The following TBPL2 variants were observed in gnomAD, a reference collection of about 807,000 sequenced individuals.
TBPL2 encodes TATA box-binding protein-like 2.
In TBPL2, 40 loss-of-function variants were observed where a neutral mutation model predicts 38.2. The ratio of observed to expected loss-of-function variants is 1.05; its 90% confidence interval spans 0.81 to 1.36. The LOEUF is 1.36. Among genes scored for constraint, TBPL2 ranks in the 40% most tolerant of loss-of-function variants. TBPL2 has a pLI of 0.00. For missense variants in TBPL2, 461 were observed against 456.7 expected (o/e 1.01, Z -0.09); for synonymous variants, 169 against 171.7 (o/e 0.98, Z 0.12).
rs1424655401 is a variant in TBPL2, at chr14:55,418,118, T to G, written c.1052-3663A>C. ...AGCTTAGGGACATTGGCATGGCTAG[T>G]CCAAGTACACATGGCTTATCATTTC... is the stretch of plus-strand genomic sequence containing the variant. On this transcript the variant is annotated intron_variant, in intron 6 of 6. Coordinates refer to ENST00000247219, the Ensembl canonical transcript of TBPL2. Among the ~76,000 whole-genome samples the G allele has an allele frequency of 2.0e-5, 3 of 152,230 alleles. No individual in the cohort carries two copies. The East Asian group carries it at 5.8e-4, about 29-fold the overall frequency.
Position 55,440,393 on chromosome 14 carries a change from C to G in TBPL2, c.150+3G>C. 3.1e-6 allele frequency: 5 copies of G among 1,613,046 alleles called. No individual in the cohort carries two copies. Among genetic ancestry groups the G allele is most frequent in the South Asian group, 1.1e-5 (1 of 91,084 alleles). ...GACTCTGGGACAGTGGCGGCAGCCT[C>G]ACCTGAGCGGCGCACTGGTCCAGGT... On this transcript the variant is annotated splice_donor_region_variant and intron_variant, in intron 1 of 6. Transcript: ENST00000247219.
chr14:55,440,008 G>A (rs963135893), intron 1 of TBPL2, among the ~76,000 whole-genome samples: 6 of 151,156 alleles, frequency 4.0e-5, no homozygotes, highest in Non-Finnish European at 7.4e-5. Context: ...GCTGAGGCAC[G>A]AGAATCGCTT....
intron 1 of TBPL2, chr14:55,438,826 C>G (rs1015994442): frequency 1.3e-5 from 2 of 148,480 alleles, no homozygotes; most frequent in Admixed American, 6.9e-5. Flanking sequence ...CTGGGCTCTT[C>G]TTTGCTGTGT....
At chr14:55,421,604 C>G (rs1885745992) in intron 6 of TBPL2, among the ~76,000 whole-genome samples, 2 of 152,206 alleles carry the variant, frequency 1.3e-5, no homozygotes, top group Non-Finnish European at 2.9e-5. Context: ...GCTGGGGTCA[C>G]AGGTGCCTGC....
chr14:55,428,968 C>T, exon 5 of TBPL2: 1 of 1,614,026 alleles, frequency 6.2e-7, no homozygotes, highest in Non-Finnish European at 8.5e-7. Flanking sequence ...GTCGAGACTG[C>T]TCTTCACTGG....
Position 55,440,455 on chromosome 14 carries a change from G to GTCCAT in TBPL2, c.90_91insATGGA (p.Arg31MetfsTer44). ...TAGGTCTCCTCCTGCTCCATGGACC[G>GTCCAT]TAATCCCACTGTTGGGGGTGGGGGC... is the stretch of plus-strand genomic sequence containing the variant. On this transcript the variant is annotated frameshift_variant, in exon 1 of 7. The change creates a new upstream start codon in the 5' untranslated region. Transcript: ENST00000247219. LOFTEE classifies it high-confidence loss of function. The GTCCAT allele has an allele frequency of 6.2e-7, 1 of 1,611,482 alleles. No individual in the cohort carries two copies. Among genetic ancestry groups the GTCCAT allele is most frequent in the Non-Finnish European group, 8.5e-7 (1 of 1,178,640 alleles).
intron 4 of TBPL2, among the ~76,000 whole-genome samples, chr14:55,432,732 G>A (rs780152162): frequency 1.1e-4 from 17 of 152,292 alleles, no homozygotes; most frequent in Admixed American, 6.5e-4. Context: ...TTTATAGAGC[G>A]AGAAATTGGC....
chr14:55,420,502 C>T (rs1006563737), intron 6 of TBPL2, among the ~76,000 whole-genome samples: 5 of 150,670 alleles, frequency 3.3e-5, no homozygotes, highest in Non-Finnish European at 7.4e-5. Flanking sequence ...ACAGGTAAAA[C>T]GCCAAGAGAT....
At chr14:55,436,683 A>T (rs1206444697) in exon 2 of TBPL2, 1 of 1,614,226 alleles carries the variant, frequency 6.2e-7, no homozygotes. Flanking sequence ...CTGAGTCAGT[A>T]TCACCAGGGT....
chr14:55,431,447 C>T (rs1885924022), intron 4 of TBPL2, among the ~76,000 whole-genome samples: 2 of 152,188 alleles, frequency 1.3e-5, no homozygotes, highest in South Asian at 4.1e-4. Context: ...ATGTGACCAT[C>T]CTTTCAGCTC....
At chr14:55,425,328 G>A (rs1453989092) in intron 5 of TBPL2, among the ~76,000 whole-genome samples, 1 of 152,130 alleles carries the variant, frequency 6.6e-6, no homozygotes, top group Non-Finnish European at 1.5e-5. Flanking sequence ...AAACCCTCCA[G>A]GGCTATGAGA....
intron 4 of TBPL2, among the ~76,000 whole-genome samples, chr14:55,429,225 G>GTACTTT (rs1885883374): frequency 6.6e-6 from 1 of 152,184 alleles, no homozygotes; most frequent in East Asian, 1.9e-4. Context: ...CATATATGAA[G>GTACTTT]TACTTTTACT....
chr14:55,431,745 G>A (rs929017656), intron 4 of TBPL2, among the ~76,000 whole-genome samples: 4 of 152,122 alleles, frequency 2.6e-5, no homozygotes, highest in African/African-American at 9.7e-5. Flanking sequence ...CTGATCATTT[G>A]GGAAAAATAA....
intron 6 of TBPL2, among the ~76,000 whole-genome samples, chr14:55,422,453 G>T (rs900380811): frequency 6.6e-6 from 1 of 152,086 alleles, no homozygotes; most frequent in Non-Finnish European, 1.5e-5. Flanking sequence ...GTTTCACCAT[G>T]TTGGCCAGGC....
chr14:55,431,237 A>G (rs1885920312), intron 4 of TBPL2, among the ~76,000 whole-genome samples: 1 of 152,240 alleles, frequency 6.6e-6, no homozygotes, highest in African/African-American at 2.4e-5. Context: ...AAAACCAAAT[A>G]TATTTGGATA....
rs183905724 is a variant in TBPL2, at chr14:55,433,261, T to C, written c.788+369A>G. The stretch of plus-strand genomic sequence containing the variant: ...CTCCCACCTCAGCTTCCCAAGTAGC[T>C]AGGACTAGAGGCATGCACCACCACA... On this transcript the variant is annotated intron_variant, in intron 4 of 6. Transcript: ENST00000247219. 3.2e-4 allele frequency among the ~76,000 whole-genome samples: 48 copies of C among 151,434 alleles called. No homozygotes were observed. In the East Asian group the frequency reaches 8.9e-3, roughly 28 times the overall value.
At chr14:55,437,090 C>A in intron 1 of TBPL2, 72 bp from the exon 2 acceptor site, 1 of 1,345,222 alleles carries the variant, frequency 7.4e-7, no homozygotes. Context: ...AGGGATGTCA[C>A]TATGGCAGGC....
chr14:55,428,610 A>G lies in TBPL2; in HGVS notation c.956+197T>C, dbSNP rs189748397. On this transcript the variant is annotated intron_variant, in intron 5 of 6. Coordinates refer to ENST00000247219, the Ensembl canonical transcript of TBPL2. Reference sequence around the variant, plus strand: ...GATTGCTAAGCAATGTAAGTTTAAGAACCATGGTTTCAAAAGACTGGGCAC... The same window carrying G: ...GATTGCTAAGCAATGTAAGTTTAAGGACCATGGTTTCAAAAGACTGGGCAC... Among the ~76,000 whole-genome samples the G allele has an allele frequency of 1.6e-3, 245 of 152,124 alleles. 1 individual carries two copies. Among genetic ancestry groups the G allele is most frequent in the African/African-American group, 5.5e-3 (230 of 41,458 alleles).
At chr14:55,426,246 CAA>C (rs1293285850) in intron 5 of TBPL2, among the ~76,000 whole-genome samples, 6 of 138,258 alleles carry the variant, frequency 4.3e-5, no homozygotes, top group African/African-American at 1.6e-4. Context: ...CCAGCCTGGG[CAA>C]AAGAGCAAAA....
Sources: gnomAD v4.1 joint callset for allele counts (sites outside exome capture counted in the v4.1 genomes callset) on GRCh38, gnomAD v4.1.1 for gene constraint, MANE v1.5 for transcripts, NCBI Gene and HGNC (gene_info 2026-07-23, HGNC 2026-07-21) for gene names.